SPATS1: variants seen among roughly 807,000 people sequenced by gnomAD.
SPATS1 encodes the protein spermatogenesis-associated serine-rich protein 1.
A neutral mutation model predicts 33.6 loss-of-function variants in SPATS1; 23 were observed. The observed-to-expected ratio is 0.68, with a 90% confidence interval of 0.49 to 0.97. The LOEUF is 0.97. Among genes scored for constraint, SPATS1 ranks in the 50% least tolerant of loss-of-function variants. SPATS1 has a pLI of 0.00. For missense variants in SPATS1, 327 were observed against 361.0 expected, an observed-to-expected ratio of 0.91 and a Z score of 0.76; for synonymous variants, 131 against 125.6, an observed-to-expected ratio of 1.04 and a Z score of -0.29.
intron 7 of SPATS1, among the ~76,000 whole-genome samples, chr6:44,371,813 C>G (rs1025158890): frequency 2.6e-5 from 4 of 151,800 alleles, no homozygotes; most frequent in African/African-American, 9.7e-5. Flanking sequence ...GGCGTGGTGG[C>G]AGGCGCCTGT....
chr6:44,344,390 C>CGTGTGTGTGTGT (rs70993448), intron 2 of SPATS1, among the ~76,000 whole-genome samples: 83 of 145,602 alleles, frequency 5.7e-4, no homozygotes, highest in East Asian at 2.0e-3. Context: ...ATTGAAGATA[C>CGTGTGTGTGTGT]GTGTGTGTGT....
At chr6:44,343,268 G>A in intron 2 of SPATS1, 34 bp downstream of exon 2, 1 of 1,612,088 alleles carries the variant, frequency 6.2e-7, no homozygotes, top group Non-Finnish European at 8.5e-7. Flanking sequence ...TGTGGAGTTG[G>A]TGGCCACATC....
Position 44,379,739 on chromosome 6 carries a change from G to T in SPATS1, c.*2676G>T, listed in dbSNP as rs1790119747. Among the ~76,000 whole-genome samples the T allele has an allele frequency of 6.7e-6, 1 of 149,778 alleles. No individual in the cohort carries two copies. Among genetic ancestry groups the T allele is most frequent in the Admixed American group, 6.7e-5 (1 of 15,018 alleles). The stretch of plus-strand genomic sequence containing the variant: ...CCTAGGTGCTGCTCTAAGTAGATAT[G>T]ATTTGATTCCTTTTTCTTTTAATCC... On this transcript the variant is annotated 3_prime_UTR_variant, in exon 9 of 9. Coordinates refer to ENST00000674044, the MANE Select transcript of SPATS1 (RefSeq NM_001372081.1).
intron 7 of SPATS1, among the ~76,000 whole-genome samples, chr6:44,376,045 G>T (rs1243382389): frequency 6.6e-6 from 1 of 152,072 alleles, no homozygotes; most frequent in Non-Finnish European, 1.5e-5. Flanking sequence ...GGCGGAGGTT[G>T]CAGTGAGCTG....
chr6:44,368,245 A>G, intron 5 of SPATS1, 134 bp from the exon 6 acceptor site: 1 of 917,474 alleles, frequency 1.1e-6, no homozygotes, highest in South Asian at 2.6e-5. Flanking sequence ...CACAAACAGA[A>G]CTTTGAGAAA....
chr6:44,368,641 T>C, intron 6 of SPATS1, 142 bp downstream of exon 6: 4 of 726,798 alleles, frequency 5.5e-6, no homozygotes, highest in Non-Finnish European at 8.3e-6. Flanking sequence ...TCATCTTTAG[T>C]TAATTAATGT....
chr6:44,377,447 C>A lies in SPATS1; in HGVS notation c.*384C>A. On this transcript the variant is annotated 3_prime_UTR_variant, in exon 9 of 9. Coordinates refer to ENST00000674044, the MANE Select transcript of SPATS1 (RefSeq NM_001372081.1). ...GGTCAAGGATGTTGTCTAACAACCA[C>A]AACACAAATACCAAACTCACAGAAT... 1 of 204,722 alleles carries A rather than the reference C, an allele frequency of 4.9e-6. No homozygotes were observed. The highest frequency in any genetic ancestry group is 9.9e-6 in the Non-Finnish European group (1 of 101,244). The allele number at this position is 204,722 out of a possible 1,614,324, so 12.7% of individuals were successfully genotyped here. A position where few individuals can be genotyped will look rare whatever the true frequency, so the allele number is the denominator to read the frequency against.
intron 6 of SPATS1, among the ~76,000 whole-genome samples, chr6:44,369,301 G>T (rs1220545893): frequency 6.6e-6 from 1 of 152,096 alleles, no homozygotes; most frequent in Non-Finnish European, 1.5e-5. Context: ...CCAGCCCTTT[G>T]AGAGGCCAAG....
At chr6:44,368,724 T>A (rs1305452064) in intron 6 of SPATS1, among the ~76,000 whole-genome samples, 1 of 152,216 alleles carries the variant, frequency 6.6e-6, no homozygotes, top group Admixed American at 6.5e-5. Flanking sequence ...GTTAATTTTG[T>A]TCCTATCTCT....
chr6:44,355,997 C>CATGTGTAG (rs1788568243), intron 3 of SPATS1, among the ~76,000 whole-genome samples: 1 of 152,170 alleles, frequency 6.6e-6, no homozygotes, highest in Non-Finnish European at 1.5e-5. Flanking sequence ...TCAGTCAAAG[C>CATGTGTAG]ATGTGTAGCC....
rs1788757198 is a variant in SPATS1, at chr6:44,359,182, AAC to A, written c.288-1261_288-1260del. On this transcript the variant is annotated intron_variant, in intron 3 of 8. Transcript: ENST00000674044. ...CACTATTTTGCCCAGGCTGGTCTCAAACACCTGGGCTTAAGTGATCCTCCTAC... is the reference window on the plus strand; with the variant it reads ...CACTATTTTGCCCAGGCTGGTCTCAAACCTGGGCTTAAGTGATCCTCCTAC... Among the ~76,000 whole-genome samples, 3 of 152,276 alleles carry A rather than the reference AAC, an allele frequency of 2.0e-5. No homozygotes were observed. In the South Asian group the frequency reaches 6.2e-4, roughly 32 times the overall value.
Position 44,379,711 on chromosome 6 carries a change from A to G in SPATS1, c.*2648A>G. Among the ~76,000 whole-genome samples the G allele has an allele frequency of 6.6e-6, 1 of 151,212 alleles. No individual in the cohort carries two copies. The highest frequency in any genetic ancestry group is 1.9e-4 in the East Asian group (1 of 5,172). On this transcript the variant is annotated 3_prime_UTR_variant, in exon 9 of 9. Coordinates refer to ENST00000674044, the MANE Select transcript of SPATS1 (RefSeq NM_001372081.1). ...TCTAGGTTTCAAAGAGGTCTATATA[A>G]TTCCTAGGTGCTGCTCTAAGTAGAT...
intron 3 of SPATS1, among the ~76,000 whole-genome samples, chr6:44,354,062 A>G (rs1012505653): frequency 6.7e-6 from 1 of 150,164 alleles, no homozygotes; most frequent in Non-Finnish European, 1.5e-5. Flanking sequence ...AACAAAAAAA[A>G]GTCACATGGC....
At chr6:44,347,435 A>AT (rs1787963367) in intron 2 of SPATS1, among the ~76,000 whole-genome samples, 1 of 152,036 alleles carries the variant, frequency 6.6e-6, no homozygotes, top group Non-Finnish European at 1.5e-5. Context: ...GTTGTTATAG[A>AT]TTTTCCCCCA....
intron 8 of SPATS1, 104 bp from the exon 9 acceptor site, chr6:44,376,931 C>CA (rs1446662731): frequency 1.5e-6 from 2 of 1,335,056 alleles, no homozygotes; most frequent in Non-Finnish European, 2.2e-6. Flanking sequence ...GAGGTGGTCT[C>CA]ATGGGCAGAT....
At chr6:44,361,382 T>C in intron 4 of SPATS1, 1 of 985,444 alleles carries the variant, frequency 1.0e-6, no homozygotes, top group Non-Finnish European at 1.2e-6. Context: ...ATGCGCGTGC[T>C]ATTGTTGCAG....
At chr6:44,350,170 C>A (rs1788149985) in intron 2 of SPATS1, among the ~76,000 whole-genome samples, 1 of 152,192 alleles carries the variant, frequency 6.6e-6, no homozygotes, top group Non-Finnish European at 1.5e-5. Flanking sequence ...TCTTAAATAT[C>A]CTGGCTCCCA....
chr6:44,355,252 C>T (rs1561956338), intron 3 of SPATS1, among the ~76,000 whole-genome samples: 1 of 139,866 alleles, frequency 7.1e-6, no homozygotes. Context: ...TAGTTGGAAT[C>T]GTATAGTATA....
Position 44,376,453 on chromosome 6 carries a change from T to G in SPATS1, c.854T>G (p.Met285Arg), listed in dbSNP as rs761266663. The change falls in exon 8 of 9, where the codon ATG (methionine) becomes AGG (arginine). Residue 285 changes from methionine to arginine, a missense_variant. Physicochemically the swap from Met to Arg is moderately conservative, Grantham distance 91. Transcript: ENST00000674044. ...AACTGGCAGCCAGCAGTGCCCTTAA[T>G]GCACATGCTACACCTTTCTGGTGGG... is the stretch of plus-strand genomic sequence containing the variant. ...LDNWQPAVPL[M>R]HMLHLSGALD... 6.2e-7 allele frequency: 1 copy of G among 1,609,806 alleles called. No individual in the cohort carries two copies. The highest frequency in any genetic ancestry group is 1.1e-5 in the South Asian group (1 of 89,784).
Sources: gnomAD v4.1 joint callset for allele counts (sites outside exome capture counted in the v4.1 genomes callset) on GRCh38, gnomAD v4.1.1 for gene constraint, MANE v1.5 for transcripts, NCBI Gene and HGNC (gene_info 2026-07-23, HGNC 2026-07-21) for gene names.